The following PLCB4 variants were observed in gnomAD, a reference collection of about 807,000 sequenced individuals.
The protein encoded by PLCB4 is phospholipase C beta 4, also known as 1-phosphatidylinositol 4,5-bisphosphate phosphodiesterase beta-4.
A neutral mutation model predicts 178.8 loss-of-function variants in PLCB4; 77 were observed. That is an observed-to-expected ratio of 0.43 (90% confidence interval 0.36 to 0.52). The LOEUF (loss-of-function observed/expected upper bound fraction) is 0.52, where lower values mean the gene tolerates loss of function less well. Ranked by LOEUF, PLCB4 falls within the 20% of genes least tolerant of loss-of-function variation. PLCB4 has a pLI of 0.00. For missense variants in PLCB4, 1,024 were observed against 1,453.4 expected (o/e 0.70, Z 4.80); for synonymous variants, 496 against 490.8 (o/e 1.01, Z -0.14).
intron 4 of PLCB4, among the ~76,000 whole-genome samples, chr20:9,328,272 T>C (rs1004664520): frequency 6.6e-6 from 1 of 152,172 alleles, no homozygotes; most frequent in Non-Finnish European, 1.5e-5. Flanking sequence ...CAAGTTGTTG[T>C]AGGGTTCACA....
At chr20:9,248,773 T>G (rs892306764) in intron 3 of PLCB4, among the ~76,000 whole-genome samples, 4 of 152,190 alleles carry the variant, frequency 2.6e-5, no homozygotes, top group Non-Finnish European at 5.9e-5. Context: ...TTTATGAGGT[T>G]TTCTCTCATC....
chr20:9,322,996 AT>A (rs1293649385), intron 4 of PLCB4, among the ~76,000 whole-genome samples: 5 of 152,184 alleles, frequency 3.3e-5, no homozygotes, highest in Non-Finnish European at 7.3e-5. Context: ...AATAAGTAAG[AT>A]GGATTTTTTA....
intron 3 of PLCB4, among the ~76,000 whole-genome samples, chr20:9,283,284 T>C (rs1292343186): frequency 6.6e-6 from 1 of 151,994 alleles, no homozygotes; most frequent in Admixed American, 6.6e-5. Flanking sequence ...AAGCCCTCTA[T>C]GTATTACATT....
At chr20:9,350,539 A>G (rs943958644) in intron 7 of PLCB4, among the ~76,000 whole-genome samples, 2 of 152,076 alleles carry the variant, frequency 1.3e-5, no homozygotes, top group Admixed American at 6.6e-5. Flanking sequence ...GCTGCAATTC[A>G]CAGTTGGCTT....
chr20:9,461,579 T>A (rs971454186), intron 35 of PLCB4, among the ~76,000 whole-genome samples: 2 of 152,224 alleles, frequency 1.3e-5, no homozygotes, highest in Non-Finnish European at 2.9e-5. Context: ...CCCAAGGTCT[T>A]AGCAACCGGC....
intron 2 of PLCB4, among the ~76,000 whole-genome samples, chr20:9,138,728 A>G (rs923321509): frequency 6.6e-6 from 1 of 152,152 alleles, no homozygotes; most frequent in Non-Finnish European, 1.5e-5. Flanking sequence ...TACACCAACC[A>G]TAAGAGATAT....
intron 2 of PLCB4, among the ~76,000 whole-genome samples, chr20:9,149,531 A>T (rs779507858): frequency 2.0e-5 from 3 of 152,106 alleles, no homozygotes; most frequent in Non-Finnish European, 4.4e-5. Context: ...GCTTCTTGCA[A>T]CGTACTGTGC....
chr20:9,328,486 A>G (rs1420680405), intron 4 of PLCB4, among the ~76,000 whole-genome samples: 4 of 152,212 alleles, frequency 2.6e-5, no homozygotes, highest in Non-Finnish European at 5.9e-5. Context: ...GAAATGCAGT[A>G]ATTAAAACCA....
chr20:9,249,840 G>C (rs1350219436), intron 3 of PLCB4, among the ~76,000 whole-genome samples: 1 of 152,126 alleles, frequency 6.6e-6, no homozygotes, highest in African/African-American at 2.4e-5. Context: ...GGGAAAGACA[G>C]GACCCTGTCT....
At chr20:9,121,820 T>C (rs1042826290) in intron 2 of PLCB4, among the ~76,000 whole-genome samples, 2 of 152,204 alleles carry the variant, frequency 1.3e-5, no homozygotes, top group Admixed American at 6.5e-5. Context: ...CAATTGCTTA[T>C]ATTAGGTTGA....
intron 14 of PLCB4, among the ~76,000 whole-genome samples, chr20:9,384,995 G>A (rs867765028): frequency 1.4e-4 from 22 of 152,172 alleles, no homozygotes; most frequent in Middle Eastern, 6.8e-3. Context: ...TTGAGATTAG[G>A]GAGTGGTGAT....
intron 21 of PLCB4, among the ~76,000 whole-genome samples, chr20:9,405,794 C>A (rs1360499661): frequency 1.3e-5 from 2 of 152,174 alleles, no homozygotes; most frequent in African/African-American, 4.8e-5. Flanking sequence ...TCATCCTCTT[C>A]AAAGTTCTTC....
chr20:9,431,032 A>G (rs2041357922), intron 28 of PLCB4, among the ~76,000 whole-genome samples: 2 of 152,214 alleles, frequency 1.3e-5, no homozygotes, highest in Admixed American at 1.3e-4. Context: ...AACTACTGTA[A>G]CAAATAACCA....
intron 3 of PLCB4, among the ~76,000 whole-genome samples, chr20:9,235,013 A>G (rs1446443117): frequency 6.6e-6 from 1 of 152,208 alleles, no homozygotes; most frequent in East Asian, 1.9e-4. Context: ...GGGAATTAAC[A>G]AAGCAAGTAT....
At chr20:9,100,732 C>T (rs1441958351) in intron 2 of PLCB4, among the ~76,000 whole-genome samples, 2 of 152,124 alleles carry the variant, frequency 1.3e-5, no homozygotes, top group Admixed American at 1.3e-4. Flanking sequence ...TCCTACTTGG[C>T]TAGGCTGGTA....
Position 9,479,962 on chromosome 20 carries a change from A to G in PLCB4, c.*953A>G, listed in dbSNP as rs1223121679. 1 of 152,506 alleles carries G rather than the reference A, an allele frequency of 6.6e-6. No individual in the cohort carries two copies. The highest frequency in any genetic ancestry group is 2.4e-5 in the African/African-American group (1 of 41,450). The allele number at this position is 152,506 out of a possible 1,614,324, so 9.4% of individuals were successfully genotyped here. On this transcript the variant is annotated 3_prime_UTR_variant, in exon 40 of 40. Coordinates refer to ENST00000378473, the MANE Select transcript of PLCB4 (RefSeq NM_001377142.1). ...CTGGTTAAATAAATGTATGGCACAG[A>G]ATATAATTTGACTATCAAGACTTTT...
chr20:9,126,789 TTGAGGTCTGAAAAAAGTCTAAGAATAC>T (rs2092126031), intron 2 of PLCB4, among the ~76,000 whole-genome samples: 1 of 151,010 alleles, frequency 6.6e-6, no homozygotes, highest in African/African-American at 2.4e-5. Context: ...TTTTTTTTTT[TTGAGGTCTGAAAAAAGTCTAAGAATAC>T]TGAACTGCAT....
chr20:9,356,563 A>G (rs1723103378), intron 7 of PLCB4, among the ~76,000 whole-genome samples: 1 of 152,222 alleles, frequency 6.6e-6, no homozygotes, highest in Admixed American at 6.5e-5. Context: ...TCTATCTTAG[A>G]CAAGATTAGA....
chr20:9,189,906 A>G (rs1202768827), intron 2 of PLCB4, among the ~76,000 whole-genome samples: 1 of 152,154 alleles, frequency 6.6e-6, no homozygotes, highest in Non-Finnish European at 1.5e-5. Context: ...CTGTTACACT[A>G]GGGATTAGGT....
Sources: gnomAD v4.1 joint callset for allele counts (sites outside exome capture counted in the v4.1 genomes callset) on GRCh38, gnomAD v4.1.1 for gene constraint, MANE v1.5 for transcripts, NCBI Gene and HGNC (gene_info 2026-07-23, HGNC 2026-07-21) for gene names.